PLXNA4: variants seen among roughly 807,000 people sequenced by gnomAD.
PLXNA4 encodes the protein plexin-A4.
Under a neutral mutation model 191.8 loss-of-function variants are expected in PLXNA4, and 44 were observed. That is an observed-to-expected ratio of 0.23 (90% CI 0.18 to 0.29). The LOEUF is 0.29. Ranked by LOEUF, PLXNA4 falls within the 10% of genes least tolerant of loss-of-function variation. PLXNA4 has a pLI of 1.00. For missense variants in PLXNA4, 1,800 were observed against 2,488.8 expected (o/e 0.72, Z 5.89); for synonymous variants, 1,082 against 1,009.5 (o/e 1.07, Z -1.36).
chr7:132,149,833 C>T (rs957085322), intron 25 of PLXNA4, among the ~76,000 whole-genome samples: 2 of 152,238 alleles, frequency 1.3e-5, no homozygotes, highest in East Asian at 3.9e-4. Context: ...TCGTTTCCCT[C>T]CTGCCAAGGC....
chr7:132,547,934 T>C (rs186139098), intron 1 of PLXNA4, among the ~76,000 whole-genome samples: 1 of 152,212 alleles, frequency 6.6e-6, no homozygotes, highest in East Asian at 1.9e-4. Flanking sequence ...TATGACCAAA[T>C]TAGGACAGAA....
chr7:132,198,264 A>G (rs1337753375), intron 13 of PLXNA4, among the ~76,000 whole-genome samples: 1 of 152,044 alleles, frequency 6.6e-6, no homozygotes, highest in Non-Finnish European at 1.5e-5. Context: ...TCTCTCAGCT[A>G]TTTCTCCTTT....
At chr7:132,598,927 C>T (rs556329956) in intron 2 of PLXNA4, among the ~76,000 whole-genome samples, 7 of 152,184 alleles carry the variant, frequency 4.6e-5, no homozygotes, top group South Asian at 4.1e-4. Flanking sequence ...GCCTTTAATC[C>T]GTCTCTAGGT....
At chr7:132,221,431 A>G (rs1798141647) in intron 9 of PLXNA4, among the ~76,000 whole-genome samples, 1 of 152,164 alleles carries the variant, frequency 6.6e-6, no homozygotes, top group African/African-American at 2.4e-5. Context: ...CTCAACTCCC[A>G]TCAAGTTATT....
intron 25 of PLXNA4, among the ~76,000 whole-genome samples, chr7:132,151,567 GAGGAGGAGAA>G (rs1410212928): frequency 1.5e-5 from 1 of 66,164 alleles, no homozygotes; most frequent in Non-Finnish European, 4.0e-5. Context: ...GAGAAAGGAG[GAGGAGGAGAA>G]AGGAGGAGGA....
chr7:132,210,134 T>C (rs1049447824), intron 10 of PLXNA4, among the ~76,000 whole-genome samples: 5 of 152,232 alleles, frequency 3.3e-5, no homozygotes, highest in African/African-American at 1.2e-4. Flanking sequence ...AAAGTTCCTA[T>C]GACTTGAAAA....
In PLXNA4 at chr7:132,226,169, G is replaced by A. The variant is rs767007384; in HGVS notation, c.1974C>T (p.Val658=). 20 of 1,613,644 alleles carry A rather than the reference G, an allele frequency of 1.2e-5. No individual in the cohort carries two copies. Among genetic ancestry groups the A allele is most frequent in the Non-Finnish European group, 1.6e-5 (19 of 1,179,788 alleles). The change falls in exon 8 of 32, where the codon GTC becomes GTT. Residue 658 remains valine, a synonymous_variant. Coordinates refer to ENST00000321063, the MANE Select transcript of PLXNA4 (RefSeq NM_020911.2). ...STSFVFYNCS[V]HNSCLSCVES... The stretch of plus-strand genomic sequence containing the variant: ...AGGCTGGGGCCACTTACGAATTGTG[G>A]ACGCTGCAATTGTAGAAGACAAAGC...
intron 3 of PLXNA4, among the ~76,000 whole-genome samples, chr7:132,321,361 C>G (rs927473506): frequency 1.4e-5 from 2 of 147,916 alleles, no homozygotes; most frequent in African/African-American, 5.2e-5. Context: ...GTGTTCTAGG[C>G]AAGCTTTTTT....
intron 2 of PLXNA4, among the ~76,000 whole-genome samples, chr7:132,612,755 A>C (rs528950043): frequency 1.3e-4 from 19 of 151,430 alleles, no homozygotes; most frequent in Admixed American, 3.9e-4. Context: ...TATTGGGTGC[A>C]GGGAGGGCCT....
At chr7:132,526,619 C>T (rs1046371073) in intron 1 of PLXNA4, among the ~76,000 whole-genome samples, 7 of 152,200 alleles carry the variant, frequency 4.6e-5, no homozygotes, top group African/African-American at 1.4e-4. Flanking sequence ...GTACTCCTGG[C>T]GCCCCTGTTG....
At chr7:132,526,636 C>T (rs1799412943) in intron 1 of PLXNA4, among the ~76,000 whole-genome samples, 1 of 152,118 alleles carries the variant, frequency 6.6e-6, no homozygotes, top group Non-Finnish European at 1.5e-5. Flanking sequence ...GTTGGGGCTG[C>T]TGTTTTATTT....
Position 132,484,988 on chromosome 7 carries a change from C to T in PLXNA4, c.1371+4304G>A, listed in dbSNP as rs1370209049. On this transcript the variant is annotated intron_variant, in intron 3 of 31. Transcript: ENST00000321063. Reference sequence around the variant, plus strand: ...CACTCCAATCCACTCCTGGGTGATTCCCCCTTGTGGACCTGTGCCGAAGGA... The same window carrying T: ...CACTCCAATCCACTCCTGGGTGATTTCCCCTTGTGGACCTGTGCCGAAGGA... The T allele has an allele frequency of 6.2e-7, 1 of 1,614,156 alleles. No homozygotes were observed. Among genetic ancestry groups the T allele is most frequent in the Admixed American group, 1.7e-5 (1 of 60,022 alleles).
At position 132,576,188 on chromosome 7, in the gene PLXNA4, G is replaced by A. The variant is rs1312832097; in HGVS notation, c.-87+234C>T. Among the ~76,000 whole-genome samples, 1 of 152,234 alleles carries A rather than the reference G, an allele frequency of 6.6e-6. No individual in the cohort carries two copies. The highest frequency in any genetic ancestry group is 1.5e-5 in the Non-Finnish European group (1 of 68,032). On this transcript the variant is annotated intron_variant, in intron 1 of 31. Coordinates refer to ENST00000321063, the MANE Select transcript of PLXNA4 (RefSeq NM_020911.2). The surrounding 1 kb of genome is among the most constrained non-coding windows in gnomAD (Gnocchi z 5.8). Reference sequence around the variant, plus strand: ...AGGAGCGTGAGAGGAGAACACACCCGGGAAATCCCTGCTCCGGCCGCTGCA... The same window carrying A: ...AGGAGCGTGAGAGGAGAACACACCCAGGAAATCCCTGCTCCGGCCGCTGCA...
intron 3 of PLXNA4, among the ~76,000 whole-genome samples, chr7:132,319,271 C>G (rs1199231488): frequency 6.6e-6 from 1 of 152,190 alleles, no homozygotes; most frequent in Non-Finnish European, 1.5e-5. Context: ...CTGAGACTCT[C>G]ACGCAGCATG....
At chr7:132,192,132 G>A (rs1436699025) in intron 14 of PLXNA4, among the ~76,000 whole-genome samples, 2 of 152,136 alleles carry the variant, frequency 1.3e-5, no homozygotes, top group African/African-American at 4.8e-5. Flanking sequence ...CAGTCATGGT[G>A]TGGCACGACA....
intron 3 of PLXNA4, among the ~76,000 whole-genome samples, chr7:132,327,574 C>A (rs1001728685): frequency 2.0e-5 from 3 of 152,108 alleles, no homozygotes; most frequent in African/African-American, 7.2e-5. Context: ...TCATTTGTCA[C>A]CCTTATAACA....
intron 2 of PLXNA4, among the ~76,000 whole-genome samples, chr7:132,639,021 A>G (rs1803663954): frequency 1.3e-5 from 2 of 152,164 alleles, no homozygotes; most frequent in Admixed American, 1.3e-4. Context: ...CACCCCTCGC[A>G]TGGTGCTCTA....
intron 1 of PLXNA4, among the ~76,000 whole-genome samples, chr7:132,522,671 C>T (rs1799238606): frequency 6.6e-6 from 1 of 152,184 alleles, no homozygotes; most frequent in South Asian, 2.1e-4. Flanking sequence ...ACTCAGGAGG[C>T]TAAGGCAGGA....
chr7:132,407,155 C>T (rs897452514), intron 3 of PLXNA4, among the ~76,000 whole-genome samples: 3 of 152,236 alleles, frequency 2.0e-5, no homozygotes, highest in Non-Finnish European at 2.9e-5. Context: ...GCCTGACAGA[C>T]TGCCCTAAAA....
Sources: allele counts gnomAD v4.1 joint callset (sites outside exome capture counted in the v4.1 genomes callset), GRCh38; gene constraint gnomAD v4.1.1; non-coding constraint Gnocchi (gnomAD v3.1); transcripts MANE v1.5; gene names NCBI Gene and HGNC (gene_info 2026-07-23, HGNC 2026-07-21).